SYNE1: variants seen among roughly 807,000 people sequenced by gnomAD.
SYNE1 encodes spectrin repeat containing nuclear envelope protein 1, also known as nesprin-1.
A neutral mutation model predicts 1,111.0 loss-of-function variants in SYNE1; 616 were observed. The observed-to-expected ratio is 0.55, with a 90% CI of 0.52 to 0.59. The LOEUF (loss-of-function observed/expected upper bound fraction) is 0.59, where lower values mean the gene tolerates loss of function less well. Ranked by LOEUF, SYNE1 falls within the 20% of genes least tolerant of loss-of-function variation. The pLI, the probability that SYNE1 is intolerant of heterozygous loss-of-function variation, is 0.00. For synonymous variants in SYNE1, 3,855 were observed against 3,825.8 expected, an observed-to-expected ratio of 1.01 and a Z score of -0.28; for missense variants, 10,006 against 10,417.0, an observed-to-expected ratio of 0.96 and a Z score of 1.72.
At chr6:152,243,293 CTCAA>C (rs2086236513) in intron 106 of SYNE1, among the ~76,000 whole-genome samples, 1 of 152,122 alleles carries the variant, frequency 6.6e-6, no homozygotes, top group African/African-American at 2.4e-5. Flanking sequence ...GGGACTACCC[CTCAA>C]ACAAAGAGCT....
chr6:152,427,758 T>G lies in SYNE1; in HGVS notation c.5035A>C (p.Ser1679Arg). The change falls in exon 38 of 146, where the codon AGT becomes CGT. Residue 1679 changes from serine to arginine, a missense_variant. Transcript: ENST00000367255. The part of the protein sequence containing the change: ...TWLERGEAKA[S>R]SPEMDISADR... ...GCAGAAATGTCCATTTCTGGGGAAC[T>G]GGCTTTAGCTTCACCCCGCTCTAAC... is the stretch of plus-strand genomic sequence containing the variant. 6.2e-7 allele frequency: 1 copy of G among 1,614,212 alleles called. No individual in the cohort carries two copies. The highest frequency in any genetic ancestry group is 8.5e-7 in the Non-Finnish European group (1 of 1,180,032).
intron 10 of SYNE1, among the ~76,000 whole-genome samples, chr6:152,500,057 T>C (rs989287900): frequency 7.2e-5 from 11 of 152,230 alleles, no homozygotes; most frequent in Non-Finnish European, 1.0e-4. Flanking sequence ...CTCAGTTTAC[T>C]AATCTGGAGA....
intron 127 of SYNE1, among the ~76,000 whole-genome samples, chr6:152,195,948 G>A (rs1306412206): frequency 6.6e-6 from 1 of 152,152 alleles, no homozygotes; most frequent in African/African-American, 2.4e-5. Context: ...AAATCTACCT[G>A]GTGCTCTGTT....
At chr6:152,290,402 C>T (rs1406287795) in intron 95 of SYNE1, among the ~76,000 whole-genome samples, 1 of 152,096 alleles carries the variant, frequency 6.6e-6, no homozygotes, top group African/African-American at 2.4e-5. Context: ...ACTAAAAATA[C>T]AAAAATTAGT....
intron 139 of SYNE1, 145 bp downstream of exon 139, chr6:152,141,058 A>G (rs749932865): frequency 6.2e-5 from 75 of 1,206,352 alleles, no homozygotes; most frequent in Non-Finnish European, 8.9e-5. Flanking sequence ...ACAACAAAAA[A>G]GGAGACTGTT....
At chr6:152,387,563 G>A (rs1298065478) in intron 53 of SYNE1, among the ~76,000 whole-genome samples, 182 bp from the exon 54 acceptor site, 1 of 152,134 alleles carries the variant, frequency 6.6e-6, no homozygotes, top group Non-Finnish European at 1.5e-5. Flanking sequence ...CTTACCACAG[G>A]TCCTTTGAAC....
At chr6:152,539,883 C>T in intron 4 of SYNE1, 77 bp downstream of exon 4, 4 of 1,447,052 alleles carry the variant, frequency 2.8e-6, no homozygotes, top group Non-Finnish European at 9.7e-7. Flanking sequence ...GGGACAGAAG[C>T]ATTTTGTTAT....
At chr6:152,166,453 C>A (rs1237936917) in intron 130 of SYNE1, among the ~76,000 whole-genome samples, 3 of 152,164 alleles carry the variant, frequency 2.0e-5, no homozygotes, top group Admixed American at 2.0e-4. Context: ...TTGTCAAGTA[C>A]TAAAATTCAT....
At chr6:152,447,334 C>G in intron 29 of SYNE1, 124 bp downstream of exon 29, 2 of 1,113,008 alleles carry the variant, frequency 1.8e-6, no homozygotes, top group Non-Finnish European at 2.6e-6. Flanking sequence ...AAAAGCATAA[C>G]AACAATTCTG....
intron 14 of SYNE1, among the ~76,000 whole-genome samples, chr6:152,480,252 G>A (rs2098879651): frequency 6.6e-6 from 1 of 152,186 alleles, no homozygotes; most frequent in South Asian, 2.1e-4. Context: ...CAGGCGTGGT[G>A]GCTCATGCCT....
At chr6:152,445,784 AATT>A (rs1294196920) in intron 29 of SYNE1, among the ~76,000 whole-genome samples, 1 of 152,118 alleles carries the variant, frequency 6.6e-6, no homozygotes, top group African/African-American at 2.4e-5. Flanking sequence ...ATACTAAATG[AATT>A]ATTATCAAAG....
intron 54 of SYNE1, 97 bp from the exon 55 acceptor site, chr6:152,385,935 C>A: frequency 9.1e-7 from 1 of 1,099,480 alleles, no homozygotes; most frequent in East Asian, 2.4e-5. Flanking sequence ...TAACACATCT[C>A]AGAAAATTTC....
intron 50 of SYNE1, 148 bp downstream of exon 50, chr6:152,396,627 T>G (rs1407917238): frequency 6.2e-6 from 5 of 809,664 alleles, no homozygotes; most frequent in African/African-American, 5.2e-5. Flanking sequence ...ATTATTGCCC[T>G]AGTATCACCT....
chr6:152,462,088 T>A (rs1156425418), intron 20 of SYNE1, among the ~76,000 whole-genome samples: 1 of 114,626 alleles, frequency 8.7e-6, no homozygotes, highest in Non-Finnish European at 1.7e-5. Flanking sequence ...ATTAGACTGG[T>A]TTTCGTTAAA....
At position 152,396,967 on chromosome 6, in the gene SYNE1, G is replaced by A. The variant is rs969369417; in HGVS notation, c.7364C>T (p.Ser2455Leu). The change falls in exon 50 of 146, where the codon TCA becomes TTA. Residue 2455 changes from serine (S) to leucine (L), a missense_variant. Transcript: ENST00000367255. The part of the protein sequence containing the change: ...KLHDLQNILD[S>L]VSDGQSKLDA... ...AAGTTTGCTCTGCCCATCACTGACT[G>A]AGTCCAAAATGTTCTGTTTCAGGAA... The A allele has an allele frequency of 6.8e-6, 11 of 1,614,040 alleles. No homozygotes were observed. Among genetic ancestry groups the A allele is most frequent in the Non-Finnish European group, 8.5e-6 (10 of 1,180,028 alleles).
intron 4 of SYNE1, among the ~76,000 whole-genome samples, chr6:152,539,673 T>C (rs1249210148): frequency 1.3e-5 from 2 of 152,188 alleles, no homozygotes; most frequent in African/African-American, 4.8e-5. Flanking sequence ...CCTTTTGATA[T>C]GACACACACA....
intron 127 of SYNE1, among the ~76,000 whole-genome samples, chr6:152,192,311 TC>T (rs2072689280): frequency 2.8e-4 from 19 of 67,852 alleles, no homozygotes; most frequent in Admixed American, 2.2e-3. Flanking sequence ...TTATTTTCTG[TC>T]TGGATGATCT....
At chr6:152,210,689 T>C (rs2077363347) in intron 124 of SYNE1, among the ~76,000 whole-genome samples, 2 of 152,170 alleles carry the variant, frequency 1.3e-5, no homozygotes, top group Non-Finnish European at 1.5e-5. Flanking sequence ...GGTATACATA[T>C]GTAATAGAAC....
intron 131 of SYNE1, among the ~76,000 whole-genome samples, chr6:152,161,277 T>G (rs945351512): frequency 1.0e-4 from 15 of 148,426 alleles, no homozygotes; most frequent in African/African-American, 3.7e-4. Context: ...ATAATAAATA[T>G]ATATATTACA....
Sources: gnomAD v4.1 joint callset for allele counts (sites outside exome capture counted in the v4.1 genomes callset) on GRCh38, gnomAD v4.1.1 for gene constraint, MANE v1.5 for transcripts, NCBI Gene and HGNC (gene_info 2026-07-23, HGNC 2026-07-21) for gene names.